PDK1: variants seen among roughly 807,000 people sequenced by gnomAD.
PDK1 encodes the protein pyruvate dehydrogenase kinase 1, also known as [Pyruvate dehydrogenase (acetyl-transferring)] kinase isozyme 1, mitochondrial.
In PDK1, 39 loss-of-function variants were observed where a neutral mutation model predicts 54.2. The observed-to-expected ratio is 0.72, with a 90% CI of 0.56 to 0.94. The LOEUF (loss-of-function observed/expected upper bound fraction) is 0.94, where lower values mean the gene tolerates loss of function less well. Among genes scored for constraint, PDK1 ranks in the 40% least tolerant of loss-of-function variants. The pLI, the probability that PDK1 is intolerant of heterozygous loss-of-function variation, is 0.00. For synonymous variants in PDK1, 221 were observed against 207.1 expected, an observed-to-expected ratio of 1.07 and a Z score of -0.58; for missense variants, 552 against 566.0, an observed-to-expected ratio of 0.98 and a Z score of 0.25.
rs919567884 is a variant in PDK1 at position 172,608,526 on chromosome 2, G to A, written c.*12557G>A. The A allele has an allele frequency of 6.6e-6, 1 of 152,134 alleles. No homozygotes were observed. 9.4% of individuals were successfully genotyped at this position (152,134 alleles called of 1,614,324 possible). A position where few individuals can be genotyped will look rare whatever the true frequency, so the allele number is the denominator to read the frequency against. ...TGTACAACTGTTTATCATTCACTCT[G>A]CTGTAAGTCTATGTGAAACCAAATC... On this transcript the variant is annotated 3_prime_UTR_variant, in exon 11 of 11. Coordinates refer to ENST00000282077, the MANE Select transcript of PDK1 (RefSeq NM_002610.5).
the PDK1 span, among the ~76,000 whole-genome samples, chr2:172,645,831 G>T: frequency 6.6e-6 from 1 of 152,146 alleles, no homozygotes; most frequent in African/African-American, 2.4e-5. Flanking sequence ...AAGGATGTTT[G>T]TTGGATACAT....
chr2:172,697,434 T>C, the PDK1 span, among the ~76,000 whole-genome samples: 1 of 152,194 alleles, frequency 6.6e-6, no homozygotes, highest in Non-Finnish European at 1.5e-5. Context: ...TCAAGAAGTG[T>C]ATTTCTTATG....
chr2:172,577,757 A>G (rs1308924698), intron 8 of PDK1, among the ~76,000 whole-genome samples: 2 of 152,182 alleles, frequency 1.3e-5, no homozygotes, highest in African/African-American at 4.8e-5. Flanking sequence ...TTATTGTCAT[A>G]TAACATACAT....
the PDK1 span, among the ~76,000 whole-genome samples, chr2:172,629,404 G>A: frequency 0.016 from 2,395 of 152,318 alleles, 65 homozygotes; most frequent in African/African-American, 0.055. Context: ...AGGAAGAAGA[G>A]AAGAAGTAGC....
Position 172,596,157 on chromosome 2 carries a change from T to TA in PDK1, c.*189dup. 4.3e-6 allele frequency: 2 copies of TA among 467,304 alleles called. No homozygotes were observed. The highest frequency in any genetic ancestry group is 7.6e-6 in the Non-Finnish European group (2 of 263,300). The allele number at this position is 467,304 out of a possible 1,614,324, so 28.9% of individuals were successfully genotyped here. ...CTAAAGGATGAAATTGCACCTATTTTACACTTATATTTTCACAGTTAATTG... is the reference window on the plus strand; with the variant it reads ...CTAAAGGATGAAATTGCACCTATTTTAACACTTATATTTTCACAGTTAATTG... On this transcript the variant is annotated 3_prime_UTR_variant, in exon 11 of 11. Coordinates refer to ENST00000282077, the MANE Select transcript of PDK1 (RefSeq NM_002610.5).
At chr2:172,688,763 T>C in the PDK1 span, among the ~76,000 whole-genome samples, 1 of 146,584 alleles carries the variant, frequency 6.8e-6, no homozygotes, top group Admixed American at 7.0e-5. Context: ...ACTGGCTGAG[T>C]GCAACCCAGA....
chr2:172,600,324 T>C lies in PDK1; in HGVS notation c.*4355T>C, dbSNP rs532245563. ...GTATGAAATTATTTGTCCAAAACTG[T>C]ACTCCAGAAATGGAGCCCATATGAT... On this transcript the variant is annotated 3_prime_UTR_variant, in exon 11 of 11. Transcript: ENST00000282077. 1.3e-5 allele frequency: 2 copies of C among 152,350 alleles called. No homozygotes were observed. The highest frequency in any genetic ancestry group is 4.1e-4 in the South Asian group (2 of 4,832). The allele number at this position is 152,350 out of a possible 1,614,324, so 9.4% of individuals were successfully genotyped here. A position where few individuals can be genotyped will look rare whatever the true frequency, so the allele number is the denominator to read the frequency against.
At chr2:172,617,848 A>G in the PDK1 span, among the ~76,000 whole-genome samples, 2 of 152,236 alleles carry the variant, frequency 1.3e-5, no homozygotes, top group East Asian at 1.9e-4. Flanking sequence ...TTTTCTATGT[A>G]TATGCAAACA....
At chr2:172,711,828 T>C in the PDK1 span, among the ~76,000 whole-genome samples, 2 of 129,074 alleles carry the variant, frequency 1.5e-5, no homozygotes, top group African/African-American at 6.1e-5. Context: ...ATTGTACCAT[T>C]GCACTCCAGC....
At chr2:172,610,435 T>C (rs1029655772), downstream of PDK1, among the ~76,000 whole-genome samples, 4 of 152,132 alleles carry the variant, frequency 2.6e-5, no homozygotes, top group Non-Finnish European at 4.4e-5. Flanking sequence ...GGCTCCTCCC[T>C]GTGCCTAGGT....
rs144110182 is a variant in PDK1 at position 172,593,022 on chromosome 2, G to A, written c.1144G>A (p.Gly382Arg). 6.8e-5 allele frequency: 108 copies of A among 1,593,628 alleles called. No individual in the cohort carries two copies. The highest frequency in any genetic ancestry group is 8.4e-5 in the Non-Finnish European group (98 of 1,161,904). ...DLKLYSLEGY[G>R]TDAVIYIKAL... is the part of the protein sequence containing the mutation. ...GAAGCTGTATTCCCTAGAGGGTTAC[G>A]GGACAGATGCAGTTATCTACATTAA... The change falls in exon 10 of 11, where the codon GGG (glycine) becomes AGG (arginine). Residue 382 changes from glycine to arginine, a missense_variant. Physicochemically the swap from Gly to Arg is moderately radical, Grantham distance 125 (BLOSUM62 -2). Coordinates refer to ENST00000282077, the MANE Select transcript of PDK1 (RefSeq NM_002610.5).
chr2:172,669,035 A>G, the PDK1 span, among the ~76,000 whole-genome samples: 3 of 149,216 alleles, frequency 2.0e-5, no homozygotes, highest in Admixed American at 6.7e-5. Flanking sequence ...GCTGCTTCAA[A>G]TGACAGAATT....
chr2:172,669,268 C>T, the PDK1 span, among the ~76,000 whole-genome samples: 2 of 151,660 alleles, frequency 1.3e-5, no homozygotes, highest in African/African-American at 2.4e-5. Context: ...ACCGTGGTCT[C>T]GATCTCCTGA....
the PDK1 span, among the ~76,000 whole-genome samples, chr2:172,687,738 G>T: frequency 6.6e-6 from 1 of 152,148 alleles, no homozygotes. Flanking sequence ...AATAGCAGGA[G>T]GTGTCCAGGT....
intron 8 of PDK1, among the ~76,000 whole-genome samples, chr2:172,578,549 G>A (rs1689705661): frequency 6.6e-6 from 1 of 152,000 alleles, no homozygotes; most frequent in South Asian, 2.1e-4. Flanking sequence ...TTTACGGAGT[G>A]TGAGTTTACT....
chr2:172,662,599 CTT>C, the PDK1 span, among the ~76,000 whole-genome samples: 1 of 151,238 alleles, frequency 6.6e-6, no homozygotes, highest in African/African-American at 2.4e-5. Context: ...CTGATTATAA[CTT>C]ATTTCACCAG....
In PDK1 at chr2:172,558,825, C is replaced by G; in HGVS notation, c.314C>G (p.Pro105Arg). Residue 105 changes from proline to arginine, a missense_variant, in exon 2 of 11, where the codon CCA becomes CGA. Physicochemically the swap from Pro to Arg is moderately radical, Grantham distance 103 (BLOSUM62 -2). Transcript: ENST00000282077. ...SLLPDNLLRT[P>R]SVQLVQSWYI... Reference sequence around the variant, plus strand: ...CTTCCAGATAATCTTCTCAGGACACCATCCGTTCAATTGGTACAAAGCTGG... The same window carrying G: ...CTTCCAGATAATCTTCTCAGGACACGATCCGTTCAATTGGTACAAAGCTGG... The G allele has an allele frequency of 6.2e-7, 1 of 1,611,718 alleles. No homozygotes were observed. The highest frequency in any genetic ancestry group is 2.2e-5 in the East Asian group (1 of 44,822).
At chr2:172,709,894 T>G in the PDK1 span, among the ~76,000 whole-genome samples, 17 of 151,976 alleles carry the variant, frequency 1.1e-4, no homozygotes, top group Non-Finnish European at 1.6e-4. Context: ...TAAACCCACA[T>G]GACATTTTAC....
the PDK1 span, among the ~76,000 whole-genome samples, chr2:172,641,441 ATT>A: frequency 5.1e-3 from 604 of 119,494 alleles, 4 homozygotes; most frequent in South Asian, 0.015. Context: ...TAACTTGTCC[ATT>A]TTTTTTTTTT....
Sources: gnomAD v4.1 joint callset for allele counts (sites outside exome capture counted in the v4.1 genomes callset) on GRCh38, gnomAD v4.1.1 for gene constraint, MANE v1.5 for transcripts, NCBI Gene and HGNC (gene_info 2026-07-23, HGNC 2026-07-21) for gene names.